FBN2: variants seen among roughly 807,000 people sequenced by gnomAD.
The protein encoded by FBN2 is fibrillin 2.
FBN2 carries 105 observed loss-of-function variants against 355.6 expected under a neutral mutation model. The ratio of observed to expected loss-of-function variants is 0.30; its 90% CI spans 0.25 to 0.35. FBN2 has a LOEUF of 0.35. FBN2 is among the 10% of genes least tolerant of loss of function. FBN2 has a pLI of 1.00. For synonymous variants in FBN2, 1,350 were observed against 1,301.2 expected (o/e 1.04, Z -0.81); for missense variants, 3,280 against 3,758.7 (o/e 0.87, Z 3.33).
intron 17 of FBN2, among the ~76,000 whole-genome samples, chr5:128,365,862 T>C (rs936580431): frequency 6.6e-6 from 1 of 151,816 alleles, no homozygotes; most frequent in Non-Finnish European, 1.5e-5. Context: ...TAATACAAAA[T>C]TGAAAGCAAG....
At chr5:128,375,937 C>A (rs1752066861) in intron 14 of FBN2, among the ~76,000 whole-genome samples, 1 of 151,952 alleles carries the variant, frequency 6.6e-6, no homozygotes, top group Admixed American at 6.6e-5. Context: ...ACTTGGGAGG[C>A]TGATGTGGGA....
intron 15 of FBN2, among the ~76,000 whole-genome samples, chr5:128,370,808 T>C (rs114642282): frequency 5.6e-4 from 85 of 152,198 alleles, no homozygotes; most frequent in African/African-American, 2.0e-3. Flanking sequence ...ATATGGTAGT[T>C]TGCATTACAG....
intron 2 of FBN2, among the ~76,000 whole-genome samples, chr5:128,530,927 C>T (rs1182690582): frequency 6.6e-6 from 1 of 152,044 alleles, no homozygotes; most frequent in Non-Finnish European, 1.5e-5. Flanking sequence ...ATTGCATAAT[C>T]CTTTAAGGAA....
chr5:128,353,137 TA>T (rs1307894625), intron 20 of FBN2, among the ~76,000 whole-genome samples: 2 of 151,440 alleles, frequency 1.3e-5, no homozygotes, highest in African/African-American at 4.9e-5. Flanking sequence ...CACTGTATTC[TA>T]GCCTGGGTGA....
chr5:128,469,856 A>G (rs956078393), intron 5 of FBN2, among the ~76,000 whole-genome samples: 2 of 152,188 alleles, frequency 1.3e-5, no homozygotes, highest in South Asian at 4.1e-4. Context: ...GAAGACAATC[A>G]GGATTTTAGG....
At position 128,313,207 on chromosome 5, in the gene FBN2, C is replaced by G. The variant is rs116067240; in HGVS notation, c.4718-412G>C. ...AGGTTTTGGAAAAGATAGCCTGCAA[C>G]AAACTTAGAGAAGATACTTAAGGGA... On this transcript the variant is annotated intron_variant, in intron 36 of 64. Transcript: ENST00000262464. Among the ~76,000 whole-genome samples the G allele has an allele frequency of 3.5e-3, 532 of 152,028 alleles. 5 individuals are homozygous for G. The highest frequency in any genetic ancestry group is 0.01 in the Middle Eastern group (3 of 294).
intron 7 of FBN2, among the ~76,000 whole-genome samples, chr5:128,414,092 C>A (rs1188299311): frequency 2.0e-5 from 3 of 152,164 alleles, no homozygotes. Flanking sequence ...TGTGTATCAA[C>A]TGTACTCAGA....
intron 20 of FBN2, among the ~76,000 whole-genome samples, chr5:128,353,923 T>A (rs1751434357): frequency 6.6e-6 from 1 of 152,058 alleles, no homozygotes; most frequent in Non-Finnish European, 1.5e-5. Context: ...ACAAATCCAT[T>A]GATAGCACCC....
In FBN2 at chr5:128,485,957, G is replaced by A. The variant is rs375477778; in HGVS notation, c.629-21036C>T. Among the ~76,000 whole-genome samples the A allele has an allele frequency of 7.9e-4, 120 of 152,186 alleles. 1 individual carries two copies. The Middle Eastern group carries it at 0.01, about 13-fold the overall frequency. ...AAGAACACAGTGCTTCTAAACAACT[G>A]AGTGATCACAGGGAATTCTGTCCTA... On this transcript the variant is annotated intron_variant, in intron 5 of 64. Coordinates refer to ENST00000262464, the MANE Select transcript of FBN2 (RefSeq NM_001999.4).
chr5:128,306,689 C>A (rs1749893254), intron 42 of FBN2, among the ~76,000 whole-genome samples: 2 of 151,994 alleles, frequency 1.3e-5, no homozygotes, highest in Non-Finnish European at 2.9e-5. Context: ...ACACAATGTA[C>A]ATTTAGAAGG....
In FBN2 at chr5:128,262,032, A is replaced by T. The variant is rs149136391; in HGVS notation, c.8193-125T>A. 5.6e-5 allele frequency: 44 copies of T among 789,114 alleles called. No individual in the cohort carries two copies. In the East Asian group the frequency reaches 1.0e-3, roughly 19 times the overall value. 48.9% of individuals were successfully genotyped at this position (789,114 alleles called of 1,614,324 possible). ...CAAACACTAAACTCATAAACATAAA[A>T]CCCTAATATTCTTTGCAACTCTTTT... On this transcript the variant is annotated intron_variant, in intron 63 of 64. Coordinates refer to ENST00000262464, the MANE Select transcript of FBN2 (RefSeq NM_001999.4).
intron 5 of FBN2, among the ~76,000 whole-genome samples, chr5:128,465,738 C>T (rs963830748): frequency 1.3e-5 from 2 of 152,090 alleles, no homozygotes; most frequent in African/African-American, 4.8e-5. Flanking sequence ...ATAACAAAAG[C>T]CTTAGTAAAT....
chr5:128,373,286 A>C (rs1751994686), intron 15 of FBN2, among the ~76,000 whole-genome samples: 2 of 152,240 alleles, frequency 1.3e-5, no homozygotes, highest in South Asian at 4.1e-4. Context: ...AAAAGCAAGT[A>C]AATATATTAA....
At chr5:128,422,295 A>G (rs1753369940) in intron 7 of FBN2, among the ~76,000 whole-genome samples, 1 of 152,234 alleles carries the variant, frequency 6.6e-6, no homozygotes, top group East Asian at 1.9e-4. Context: ...AAGAAACAGA[A>G]TAAGCAAGAA....
At chr5:128,449,097 A>G (rs2127060965) in intron 6 of FBN2, among the ~76,000 whole-genome samples, 1 of 151,836 alleles carries the variant, frequency 6.6e-6, no homozygotes, top group African/African-American at 2.4e-5. Context: ...GTTAATAGAG[A>G]TAAAATATAT....
intron 64 of FBN2, 41 bp downstream of exon 64, chr5:128,261,695 G>A: frequency 6.3e-7 from 1 of 1,598,068 alleles, no homozygotes; most frequent in East Asian, 2.2e-5. Context: ...TGACTCCGTA[G>A]GGATAAAATT....
intron 8 of FBN2, among the ~76,000 whole-genome samples, chr5:128,401,454 A>G (rs575050265): frequency 6.6e-6 from 1 of 152,298 alleles, no homozygotes; most frequent in Non-Finnish European, 1.5e-5. Context: ...TCTGAAGTAC[A>G]TTTTTTATGT....
Position 128,263,336 on chromosome 5 carries a change from C to T in FBN2, c.8192+89G>A, listed in dbSNP as rs530687987. Reference sequence around the variant, plus strand: ...ATGCTTTTGCGGTTTGGCTTTTAGACACTGTACTCTTCCCTGCAGTGGGGG... The same window carrying T: ...ATGCTTTTGCGGTTTGGCTTTTAGATACTGTACTCTTCCCTGCAGTGGGGG... On this transcript the variant is annotated intron_variant, in intron 63 of 64. Transcript: ENST00000262464. 404 of 1,005,482 alleles carry T rather than the reference C, an allele frequency of 4.0e-4. 1 individual carries two copies. The highest frequency in any genetic ancestry group is 5.0e-4 in the Non-Finnish European group (315 of 628,882). 62.3% of individuals were successfully genotyped at this position (1,005,482 alleles called of 1,614,324 possible). A position where few individuals can be genotyped will look rare whatever the true frequency, so the allele number is the denominator to read the frequency against.
At chr5:128,283,228 C>T (rs1749031101) in intron 55 of FBN2, among the ~76,000 whole-genome samples, 1 of 152,154 alleles carries the variant, frequency 6.6e-6, no homozygotes, top group Non-Finnish European at 1.5e-5. Flanking sequence ...CATCTTAAAA[C>T]AATACAAAAA....
Sources: gnomAD v4.1 joint callset for allele counts (sites outside exome capture counted in the v4.1 genomes callset) on GRCh38, gnomAD v4.1.1 for gene constraint, MANE v1.5 for transcripts, NCBI Gene and HGNC (gene_info 2026-07-23, HGNC 2026-07-21) for gene names.